Variants in MAGI2 observed in about 807,000 individuals in gnomAD.
MAGI2 encodes membrane associated guanylate kinase, WW and PDZ domain containing 2.
A neutral mutation model predicts 133.3 loss-of-function variants in MAGI2; 35 were observed. The observed-to-expected ratio is 0.26, with a 90% confidence interval of 0.20 to 0.35. The LOEUF (loss-of-function observed/expected upper bound fraction) is 0.35. MAGI2 is among the 10% of genes least tolerant of loss of function. The pLI, the probability that MAGI2 is intolerant of heterozygous loss-of-function variation, is 1.00. For missense variants in MAGI2, 1,636 were observed against 1,863.4 expected, an observed-to-expected ratio of 0.88 and a Z score of 2.25; for synonymous variants, 729 against 710.6, an observed-to-expected ratio of 1.03 and a Z score of -0.41.
At chr7:78,603,507 G>A (rs761094957) in intron 3 of MAGI2, among the ~76,000 whole-genome samples, 1 of 152,082 alleles carries the variant, frequency 6.6e-6, no homozygotes, top group Non-Finnish European at 1.5e-5. Context: ...CTTGATCTAG[G>A]CATATTCTGG....
At chr7:78,969,074 A>G (rs1273102670) in intron 2 of MAGI2, among the ~76,000 whole-genome samples, 6 of 152,092 alleles carry the variant, frequency 3.9e-5, no homozygotes, top group African/African-American at 1.4e-4. Context: ...AGCCAGGTAC[A>G]TTCAATATGG....
chr7:78,952,717 C>T (rs1280465836), intron 2 of MAGI2, among the ~76,000 whole-genome samples: 1 of 152,072 alleles, frequency 6.6e-6, no homozygotes, highest in African/African-American at 2.4e-5. Flanking sequence ...TCATATGGTT[C>T]CCATACGCAG....
At chr7:79,198,377 G>T (rs1399804683) in intron 1 of MAGI2, among the ~76,000 whole-genome samples, 1 of 151,614 alleles carries the variant, frequency 6.6e-6, no homozygotes, top group East Asian at 1.9e-4. Context: ...TCTCAATTTT[G>T]CCTCTCAGAG....
chr7:79,114,635 G>A (rs562478102), intron 1 of MAGI2, among the ~76,000 whole-genome samples: 14 of 152,280 alleles, frequency 9.2e-5, no homozygotes, highest in Admixed American at 5.9e-4. Flanking sequence ...ATGCTTGACT[G>A]TCACTTTAAG....
At chr7:78,255,905 AC>A in intron 10 of MAGI2, 37 bp downstream of exon 10, 1 of 1,589,978 alleles carries the variant, frequency 6.3e-7, no homozygotes, top group Non-Finnish European at 8.6e-7. Flanking sequence ...CTACTATTTT[AC>A]CCACATATTT....
intron 1 of MAGI2, among the ~76,000 whole-genome samples, chr7:79,224,547 T>C (rs577189512): frequency 6.6e-6 from 1 of 152,086 alleles, no homozygotes; most frequent in East Asian, 1.9e-4. Flanking sequence ...ATTAATAATC[T>C]AAGAAACTGG....
intron 1 of MAGI2, among the ~76,000 whole-genome samples, chr7:79,079,467 C>A (rs770252219): frequency 6.6e-6 from 1 of 152,066 alleles, no homozygotes; most frequent in Non-Finnish European, 1.5e-5. Context: ...GGAAGAGGAA[C>A]ATTTAAACAA....
At chr7:79,145,766 G>A (rs1562938415) in intron 1 of MAGI2, among the ~76,000 whole-genome samples, 1 of 152,182 alleles carries the variant, frequency 6.6e-6, no homozygotes, top group Non-Finnish European at 1.5e-5. Context: ...AGTACATTAT[G>A]TCTAGCACAT....
At chr7:79,035,734 C>T (rs1811068412) in intron 1 of MAGI2, among the ~76,000 whole-genome samples, 1 of 152,098 alleles carries the variant, frequency 6.6e-6, no homozygotes, top group Non-Finnish European at 1.5e-5. Context: ...TAAGACTTTT[C>T]CCTACAAATA....
intron 20 of MAGI2, among the ~76,000 whole-genome samples, chr7:78,100,831 GAACT>G (rs1818148150): frequency 6.6e-6 from 1 of 152,086 alleles, no homozygotes; most frequent in Non-Finnish European, 1.5e-5. Context: ...AAAGCTGTCA[GAACT>G]AATATGTGAA....
intron 2 of MAGI2, among the ~76,000 whole-genome samples, chr7:78,667,562 C>T (rs1813766691): frequency 6.8e-6 from 1 of 146,136 alleles, no homozygotes; most frequent in Non-Finnish European, 1.5e-5. Context: ...CACAACAGTC[C>T]CCAGAGTGTG....
intron 2 of MAGI2, among the ~76,000 whole-genome samples, chr7:78,891,789 A>C (rs994363952): frequency 6.6e-5 from 10 of 152,148 alleles, no homozygotes; most frequent in Non-Finnish European, 1.0e-4. Context: ...ATGGGCAAAA[A>C]CTGGAAGCAT....
intron 14 of MAGI2, among the ~76,000 whole-genome samples, chr7:78,176,617 G>A (rs1364628487): frequency 2.0e-5 from 3 of 152,090 alleles, no homozygotes; most frequent in Non-Finnish European, 4.4e-5. Context: ...AACCGTTTCA[G>A]ATTCCTCTCA....
Position 78,766,990 on chromosome 7 carries a change from T to A in MAGI2, c.419-139751A>T, listed in dbSNP as rs973000882. 1.7e-4 allele frequency among the ~76,000 whole-genome samples: 11 copies of A among 63,728 alleles called. No individual in the cohort carries two copies. The East Asian group carries it at 7.1e-3, about 41-fold the overall frequency. 41.8% of individuals were successfully genotyped at this position (63,728 alleles called of 152,430 possible). A position where few individuals can be genotyped will look rare whatever the true frequency, so the allele number is the denominator to read the frequency against. ...GTTGAGAATTCACATTATAATAAAGTTCTTTTTTTTTTTTTTGAGATGGAG... is the reference window on the plus strand; with the variant it reads ...GTTGAGAATTCACATTATAATAAAGATCTTTTTTTTTTTTTTGAGATGGAG... On this transcript the variant is annotated intron_variant, in intron 2 of 21. Transcript: ENST00000354212.
At chr7:78,446,044 CT>C (rs947221582) in intron 6 of MAGI2, among the ~76,000 whole-genome samples, 3 of 13,512 alleles carry the variant, frequency 2.2e-4, no homozygotes, top group Non-Finnish European at 7.9e-4. Flanking sequence ...TTTTGTGTTT[CT>C]TTTGTCTTGT....
At chr7:79,194,975 T>C (rs1827956606) in intron 1 of MAGI2, among the ~76,000 whole-genome samples, 1 of 151,998 alleles carries the variant, frequency 6.6e-6, no homozygotes, top group Non-Finnish European at 1.5e-5. Flanking sequence ...ATGCCCAAAG[T>C]TCATTTAGGA....
intron 1 of MAGI2, among the ~76,000 whole-genome samples, chr7:79,110,560 T>C (rs1035568308): frequency 2.6e-5 from 4 of 152,212 alleles, no homozygotes; most frequent in African/African-American, 9.7e-5. Flanking sequence ...TGGAAGGAAA[T>C]AACTTGTTTT....
At chr7:78,481,618 C>T (rs1415295665) in intron 6 of MAGI2, among the ~76,000 whole-genome samples, 1 of 151,602 alleles carries the variant, frequency 6.6e-6, no homozygotes, top group African/African-American at 2.4e-5. Flanking sequence ...GAACAGAATC[C>T]AACAGTTTAT....
At chr7:78,662,579 TTTTA>T (rs1219569468) in intron 2 of MAGI2, among the ~76,000 whole-genome samples, 2 of 152,228 alleles carry the variant, frequency 1.3e-5, no homozygotes, top group African/African-American at 4.8e-5. Flanking sequence ...AATTGCCAAA[TTTTA>T]TTTATTTCCA....
Sources: allele counts gnomAD v4.1 joint callset (sites outside exome capture counted in the v4.1 genomes callset), GRCh38; gene constraint gnomAD v4.1.1; transcripts MANE v1.5; gene names NCBI Gene and HGNC (gene_info 2026-07-23, HGNC 2026-07-21).